PAX7: variants seen among roughly 807,000 people sequenced by gnomAD.
PAX7 encodes the protein paired box protein Pax-7.
Under a neutral mutation model 50.7 loss-of-function variants are expected in PAX7, and 18 were observed. The observed-to-expected ratio is 0.36, with a 90% CI of 0.25 to 0.53. The LOEUF is 0.53. PAX7 is among the 20% of genes least tolerant of loss of function. PAX7 has a pLI of 0.93. For missense variants in PAX7, 644 were observed against 702.9 expected (o/e 0.92, Z 0.95); for synonymous variants, 310 against 290.4 (o/e 1.07, Z -0.69).
Position 18,735,284 on chromosome 1 carries a change from GTTCATTCATGCA to G in PAX7, c.1156-333_1156-322del, listed in dbSNP as rs2089696144. 6.6e-6 allele frequency among the ~76,000 whole-genome samples: 1 copy of G among 152,192 alleles called. No individual in the cohort carries two copies. Among genetic ancestry groups the G allele is most frequent in the South Asian group, 2.1e-4 (1 of 4,824 alleles). The stretch of plus-strand genomic sequence containing the variant: ...TGGGAGAGGCCTCATTAGCCAGTTC[GTTCATTCATGCA>G]TTCATTCATGCATTTATTCATTCAA... On this transcript the variant is annotated intron_variant, in intron 7 of 8. Transcript: ENST00000420770. This position sits in a 1 kb window ranked among gnomAD's most constrained non-coding sequence, Gnocchi z 4.0.
chr1:18,720,755 C>T (rs2089483050), intron 7 of PAX7, among the ~76,000 whole-genome samples: 2 of 148,328 alleles, frequency 1.3e-5, no homozygotes, highest in African/African-American at 5.0e-5. Context: ...CACCCAGAGA[C>T]CAAGAGACAG....
chr1:18,744,513 A>G (rs943000769), intron 8 of PAX7, among the ~76,000 whole-genome samples: 4 of 91,340 alleles, frequency 4.4e-5, no homozygotes, highest in East Asian at 8.4e-4. Context: ...GAGAATGGAT[A>G]AATGAATGAA....
At chr1:18,723,645 G>A (rs1309079104) in intron 7 of PAX7, among the ~76,000 whole-genome samples, 1 of 152,258 alleles carries the variant, frequency 6.6e-6, no homozygotes, top group Non-Finnish European at 1.5e-5. Flanking sequence ...TCTCTCTGCA[G>A]AGACCTGGAG....
intron 4 of PAX7, among the ~76,000 whole-genome samples, chr1:18,678,077 G>C (rs1402714477): frequency 9.3e-5 from 7 of 75,358 alleles, no homozygotes; most frequent in Non-Finnish European, 2.0e-4. Flanking sequence ...GCGAGACTCC[G>C]TCTGAAAAAA....
At chr1:18,678,896 C>G (rs778037698) in intron 4 of PAX7, among the ~76,000 whole-genome samples, 2 of 152,178 alleles carry the variant, frequency 1.3e-5, no homozygotes, top group African/African-American at 4.8e-5. Flanking sequence ...AAGTGCCCAT[C>G]GCGATGGTTA....
intron 4 of PAX7, among the ~76,000 whole-genome samples, chr1:18,651,314 G>A (rs1169929163): frequency 6.6e-6 from 1 of 152,100 alleles, no homozygotes; most frequent in Admixed American, 6.5e-5. Flanking sequence ...TCTCATCGGT[G>A]GCTCTAAAAT....
intron 4 of PAX7, among the ~76,000 whole-genome samples, chr1:18,681,505 A>T (rs1177368596): frequency 6.6e-6 from 1 of 152,104 alleles, no homozygotes; most frequent in Non-Finnish European, 1.5e-5. Flanking sequence ...ACACAGTACC[A>T]TTTCCAGCAG....
chr1:18,719,688 C>T (rs111317326), intron 7 of PAX7, among the ~76,000 whole-genome samples: 2,783 of 152,316 alleles, frequency 0.018, 88 homozygotes, highest in African/African-American at 0.061. Flanking sequence ...AGATAATGAC[C>T]TCTGCTGGCC....
chr1:18,700,946 CA>C lies in PAX7; in HGVS notation c.952+133del, dbSNP rs1557538902. The C allele has an allele frequency of 3.3e-6, 3 of 906,142 alleles. No individual in the cohort carries two copies. The allele number at this position is 906,142 out of a possible 1,614,324, so 56.1% of individuals were successfully genotyped here. On this transcript the variant is annotated intron_variant, in intron 6 of 8. Transcript: ENST00000420770. The surrounding 1 kb of genome is among the most constrained non-coding windows in gnomAD (Gnocchi z 4.8). ...TTTCATGTAAGCAGGCTATTGAGAG[CA>C]AAAAGATGCAATCCTGCCCTTGAAA...
intron 4 of PAX7, among the ~76,000 whole-genome samples, chr1:18,668,304 C>T (rs2088697739): frequency 6.6e-6 from 1 of 152,216 alleles, no homozygotes; most frequent in Admixed American, 6.5e-5. Context: ...AAAGCAGGCA[C>T]TGTCAGGATC....
At chr1:18,721,025 C>G (rs114113701) in intron 7 of PAX7, among the ~76,000 whole-genome samples, 3 of 152,066 alleles carry the variant, frequency 2.0e-5, no homozygotes, top group Admixed American at 2.0e-4. Context: ...TGTTGGTCCA[C>G]GGGAGCAGCA....
intron 7 of PAX7, among the ~76,000 whole-genome samples, chr1:18,733,357 C>T (rs1244212152): frequency 6.6e-6 from 1 of 152,118 alleles, no homozygotes; most frequent in East Asian, 1.9e-4. Flanking sequence ...GTGCTAGTGT[C>T]CAAAGGACTC....
chr1:18,683,068 A>C (rs1231798309), intron 4 of PAX7, among the ~76,000 whole-genome samples: 1 of 152,096 alleles, frequency 6.6e-6, no homozygotes, highest in African/African-American at 2.4e-5. Context: ...CAGAAACCAG[A>C]GCAGGGCCAA....
chr1:18,653,897 G>A (rs945077219), intron 4 of PAX7, among the ~76,000 whole-genome samples: 33 of 152,088 alleles, frequency 2.2e-4, no homozygotes, highest in African/African-American at 3.1e-4. Context: ...AAACGCCAGC[G>A]TCGGTCATGG....
chr1:18,689,281 T>C (rs546692283), intron 4 of PAX7, among the ~76,000 whole-genome samples: 71 of 152,366 alleles, frequency 4.7e-4, no homozygotes, highest in African/African-American at 1.5e-3. Flanking sequence ...ATTTCAGGAA[T>C]TGAATCCTTG....
rs113318313 is a variant in PAX7 at position 18,732,543 on chromosome 1, T to C, written c.1156-3089T>C. Among the ~76,000 whole-genome samples the C allele has an allele frequency of 9.3e-3, 1,414 of 152,302 alleles. 21 individuals are homozygous for C. Among genetic ancestry groups the C allele is most frequent in the Middle Eastern group, 0.044 (13 of 294 alleles). On this transcript the variant is annotated intron_variant, in intron 7 of 8. Coordinates refer to ENST00000420770, the MANE Select transcript of PAX7 (RefSeq NM_001135254.2). ...AATGCTTGTTGGACGAATACGTGAA[T>C]GAATGAAGGATATCTTCAAGAAATA...
chr1:18,662,066 T>C (rs2088607624), intron 4 of PAX7, among the ~76,000 whole-genome samples: 1 of 144,756 alleles, frequency 6.9e-6, no homozygotes, highest in South Asian at 2.1e-4. Flanking sequence ...ACCAGTGTCC[T>C]AGAGACCTGC....
At chr1:18,671,903 G>T (rs1557521119) in intron 4 of PAX7, among the ~76,000 whole-genome samples, 1 of 151,940 alleles carries the variant, frequency 6.6e-6, no homozygotes, top group Non-Finnish European at 1.5e-5. Flanking sequence ...CTTAAGCCCA[G>T]GAGTTAGAGG....
At chr1:18,647,814 T>C (rs1335146304) in intron 4 of PAX7, among the ~76,000 whole-genome samples, 1 of 152,038 alleles carries the variant, frequency 6.6e-6, no homozygotes, top group East Asian at 1.9e-4. Context: ...TGTGAATCCA[T>C]AAGTGATCAC....
Sources: gnomAD v4.1 joint callset for allele counts (sites outside exome capture counted in the v4.1 genomes callset) on GRCh38, gnomAD v4.1.1 for gene constraint, Gnocchi (gnomAD v3.1) non-coding constraint, MANE v1.5 for transcripts, NCBI Gene and HGNC (gene_info 2026-07-23, HGNC 2026-07-21) for gene names.